SESN3: variants seen among roughly 807,000 people sequenced by gnomAD.
SESN3 encodes the protein sestrin-3.
In SESN3, 21 loss-of-function variants were observed where a neutral mutation model predicts 55.3. That is an observed-to-expected ratio of 0.38 (90% confidence interval 0.27 to 0.55). The LOEUF (loss-of-function observed/expected upper bound fraction) is 0.55. SESN3 is among the 20% of genes least tolerant of loss of function. SESN3 has a pLI of 0.76. For synonymous variants in SESN3, 181 were observed against 203.1 expected (o/e 0.89, Z 0.93); for missense variants, 408 against 604.3 (o/e 0.68, Z 3.41).
At chr11:95,198,908 CAT>C (rs1860412257) in intron 1 of SESN3, among the ~76,000 whole-genome samples, 1 of 139,702 alleles carries the variant, frequency 7.2e-6, no homozygotes, top group African/African-American at 2.5e-5. Context: ...CAGGAATAAA[CAT>C]AGCATAATAA....
chr11:95,204,393 G>T (rs1860510532), intron 1 of SESN3, among the ~76,000 whole-genome samples: 2 of 151,980 alleles, frequency 1.3e-5, no homozygotes, highest in Non-Finnish European at 2.9e-5. Flanking sequence ...ACCTAAGATT[G>T]AAATTAAACA....
chr11:95,232,129 T>C (rs4753659), upstream of SESN3: 50,507 of 152,120 alleles, frequency 0.33, 8,639 homozygotes, highest in East Asian at 0.51. Flanking sequence ...GAACAAATTG[T>C]CGTTTAAAAC....
intron 1 of SESN3, among the ~76,000 whole-genome samples, chr11:95,195,349 A>G (rs1240404487): frequency 2.0e-5 from 3 of 152,206 alleles, no homozygotes; most frequent in Non-Finnish European, 4.4e-5. Flanking sequence ...AAGGTACTGC[A>G]TTTAAATGAA....
At chr11:95,184,190 G>A (rs1407335051) in intron 6 of SESN3, 3 of 571,866 alleles carry the variant, frequency 5.2e-6, no homozygotes, top group Non-Finnish European at 9.3e-6. Context: ...TTTTATCCAG[G>A]ATAGAGTATG....
At chr11:95,218,263 G>A (rs1410245138) in intron 1 of SESN3, among the ~76,000 whole-genome samples, 2 of 152,200 alleles carry the variant, frequency 1.3e-5, no homozygotes, top group African/African-American at 4.8e-5. Context: ...GCCCTTTACA[G>A]AAAGTTTACC....
Position 95,173,113 on chromosome 11 carries a change from AAAAAC to A in SESN3, c.*137_*141del. 2.0e-6 allele frequency: 1 copy of A among 509,766 alleles called. No individual in the cohort carries two copies. The highest frequency in any genetic ancestry group is 3.5e-6 in the Non-Finnish European group (1 of 283,360). The allele number at this position is 509,766 out of a possible 1,614,324, so 31.6% of individuals were successfully genotyped here. On this transcript the variant is annotated 3_prime_UTR_variant, in exon 10 of 10. Coordinates refer to ENST00000536441, the MANE Select transcript of SESN3 (RefSeq NM_144665.4). ...CACATCATTGCACATTACAGCCGCA[AAAAAC>A]AAAAAAAAAAAAACAAACGGCTAAA... is the stretch of plus-strand genomic sequence containing the variant.
rs149503308 is a variant in SESN3 at position 95,200,445 on chromosome 11, T to G, written c.79-6923A>C. On this transcript the variant is annotated intron_variant, in intron 1 of 9. Coordinates refer to ENST00000536441, the MANE Select transcript of SESN3 (RefSeq NM_144665.4). Reference sequence around the variant, plus strand: ...ATAACTGAGATCCAAGATTATTCCATAAGAAAAGATCTAAAAGCAGAAAAT... The same window carrying G: ...ATAACTGAGATCCAAGATTATTCCAGAAGAAAAGATCTAAAAGCAGAAAAT... Among the ~76,000 whole-genome samples, 95 of 152,158 alleles carry G rather than the reference T, an allele frequency of 6.2e-4. 5 individuals are homozygous for G. The East Asian group carries it at 0.017, about 27-fold the overall frequency.
At position 95,214,177 on chromosome 11, in the gene SESN3, A is replaced by G. The variant is rs561065631; in HGVS notation, c.78+16606T>C. Among the ~76,000 whole-genome samples the G allele has an allele frequency of 1.8e-3, 273 of 152,324 alleles. 2 individuals are homozygous for G. Among genetic ancestry groups the G allele is most frequent in the Non-Finnish European group, 3.2e-3 (219 of 68,012 alleles). ...AGGATAGAAAAATGGTCACTAGAAA[A>G]GCATCACCTACCATGGTTTAGAATT... On this transcript the variant is annotated intron_variant, in intron 1 of 9. Transcript: ENST00000536441.
At chr11:95,188,016 TAA>T (rs5793718) in intron 4 of SESN3, among the ~76,000 whole-genome samples, 39,392 of 143,976 alleles carry the variant, frequency 0.27, 5,445 homozygotes, top group Admixed American at 0.32. Context: ...TCCCATGGCT[TAA>T]AAAAAAAAAA....
At chr11:95,218,830 G>C (rs889209687) in intron 1 of SESN3, among the ~76,000 whole-genome samples, 20 of 151,900 alleles carry the variant, frequency 1.3e-4, no homozygotes, top group Non-Finnish European at 5.9e-5. Flanking sequence ...TTTGCATTTT[G>C]TTTAGTGGAG....
chr11:95,223,379 C>T (rs531783121), intron 1 of SESN3, among the ~76,000 whole-genome samples: 26 of 152,328 alleles, frequency 1.7e-4, no homozygotes, highest in Admixed American at 1.7e-3. Context: ...CAGGGTCCTT[C>T]TTTCCCTTGT....
At chr11:95,212,740 T>C (rs1455122909) in intron 1 of SESN3, among the ~76,000 whole-genome samples, 1 of 152,198 alleles carries the variant, frequency 6.6e-6, no homozygotes, top group Non-Finnish European at 1.5e-5. Flanking sequence ...AGTACCTTCA[T>C]TCATTTCCAG....
chr11:95,196,251 T>C (rs1860359263), intron 1 of SESN3, among the ~76,000 whole-genome samples: 1 of 152,202 alleles, frequency 6.6e-6, no homozygotes, highest in African/African-American at 2.4e-5. Flanking sequence ...GCAAGGACTC[T>C]ACTACTGTAT....
chr11:95,211,021 G>A (rs545764797), intron 1 of SESN3, among the ~76,000 whole-genome samples: 2 of 152,266 alleles, frequency 1.3e-5, no homozygotes, highest in South Asian at 4.1e-4. Context: ...GTTTTATCAA[G>A]AGAAATGATA....
At chr11:95,194,970 C>T (rs1268368831) in intron 1 of SESN3, among the ~76,000 whole-genome samples, 1 of 151,972 alleles carries the variant, frequency 6.6e-6, no homozygotes, top group Non-Finnish European at 1.5e-5. Context: ...ATATGAAAAG[C>T]AATTTTCTGG....
intron 3 of SESN3, 51 bp downstream of exon 3, chr11:95,191,353 A>G (rs1839981974): frequency 7.3e-7 from 1 of 1,375,538 alleles, no homozygotes; most frequent in Non-Finnish European, 1.0e-6. Context: ...TGGAAGGGAG[A>G]AAGAATAAGT....
intron 1 of SESN3, among the ~76,000 whole-genome samples, chr11:95,199,304 G>GTC (rs1304880603): frequency 6.6e-6 from 1 of 151,888 alleles, no homozygotes; most frequent in Non-Finnish European, 1.5e-5. Flanking sequence ...ATTTTGTAAG[G>GTC]TTTATAATCT....
chr11:95,231,553 C>G (rs1845122650), upstream of SESN3: 2 of 159,832 alleles, frequency 1.3e-5, no homozygotes, highest in African/African-American at 4.8e-5. Flanking sequence ...ACGCCCCCTT[C>G]TCTAGGTCCC....
Position 95,189,862 on chromosome 11 carries a change from C to T in SESN3, c.442G>A (p.Val148Met), listed in dbSNP as rs753097490. Residue 148 changes from valine (V) to methionine (M), a missense_variant, in exon 4 of 10, where the codon GTG becomes ATG. Physicochemically the swap from Val to Met is conservative, Grantham distance 21. This residue lies in a region of SESN3 where 107 missense variants were observed against 211.3 expected (regional missense o/e 0.51). Coordinates refer to ENST00000536441, the MANE Select transcript of SESN3 (RefSeq NM_144665.4). Reference protein sequence around the residue: ...IAEWLNGLEYVPQRLKNLNEI... With the variant: ...IAEWLNGLEYMPQRLKNLNEI... ...TTAAGATTTTTCAGTCTTTGTGGCA[C>T]ATATTCCAAACCATTCAACCACTCA... 3.7e-6 allele frequency: 6 copies of T among 1,611,746 alleles called. No individual in the cohort carries two copies. Among genetic ancestry groups the T allele is most frequent in the African/African-American group, 1.3e-5 (1 of 74,832 alleles).
Sources: allele counts gnomAD v4.1 joint callset (sites outside exome capture counted in the v4.1 genomes callset), GRCh38; gene constraint gnomAD v4.1.1; regional missense constraint gnomAD v4.1.1; transcripts MANE v1.5; gene names NCBI Gene and HGNC (gene_info 2026-07-23, HGNC 2026-07-21).